Variants in ARL5B observed in about 807,000 individuals in gnomAD.
ARL5B encodes ARF like GTPase 5B, also known as ADP-ribosylation factor-like protein 5B.
Under a neutral mutation model 26.9 loss-of-function variants are expected in ARL5B, and 10 were observed. The ratio of observed to expected loss-of-function variants is 0.37; its 90% confidence interval spans 0.23 to 0.63. The LOEUF (loss-of-function observed/expected upper bound fraction) is 0.63, where lower values mean the gene tolerates loss of function less well. Among genes scored for constraint, ARL5B ranks in the 30% least tolerant of loss-of-function variants. The pLI is 0.62. For missense variants in ARL5B, 167 were observed against 213.9 expected, an observed-to-expected ratio of 0.78 and a Z score of 1.37; for synonymous variants, 87 against 70.4, an observed-to-expected ratio of 1.24 and a Z score of -1.18.
chr10:18,671,606 T>C (rs1312663234), intron 3 of ARL5B, among the ~76,000 whole-genome samples: 1 of 152,082 alleles, frequency 6.6e-6, no homozygotes, highest in African/African-American at 2.4e-5. Flanking sequence ...AGTGTTCAGC[T>C]TAAGGGTGCT....
chr10:18,673,627 T>G (rs549999312), intron 4 of ARL5B, among the ~76,000 whole-genome samples: 86 of 152,226 alleles, frequency 5.6e-4, no homozygotes, highest in Non-Finnish European at 1.1e-3. Flanking sequence ...TAGTAAGTAA[T>G]AAGTATTGCC....
chr10:18,676,275 A>G lies in ARL5B; in HGVS notation c.*1059A>G, dbSNP rs1300130685. On this transcript the variant is annotated 3_prime_UTR_variant, in exon 6 of 6. Coordinates refer to ENST00000377275, the MANE Select transcript of ARL5B (RefSeq NM_178815.5). ...ACATGGCTTTCCTTGAATTTATTTG[A>G]CGGTATTATGTAATAGACTTGAAAC... 3 of 152,426 alleles carry G rather than the reference A, an allele frequency of 2.0e-5. No individual in the cohort carries two copies. Among genetic ancestry groups the G allele is most frequent in the Non-Finnish European group, 4.4e-5 (3 of 67,894 alleles). 9.4% of individuals were successfully genotyped at this position (152,426 alleles called of 1,614,324 possible). A position where few individuals can be genotyped will look rare whatever the true frequency, so the allele number is the denominator to read the frequency against.
At chr10:18,668,770 C>CTTTT (rs34027786) in intron 3 of ARL5B, 93 bp downstream of exon 3, 55 of 904,562 alleles carry the variant, frequency 6.1e-5, no homozygotes, top group Middle Eastern at 3.3e-4. Context: ...TGACAGTTGC[C>CTTTT]TTTTTTTTTT....
chr10:18,671,852 A>C (rs557266223), intron 3 of ARL5B, among the ~76,000 whole-genome samples: 1 of 152,092 alleles, frequency 6.6e-6, no homozygotes, highest in African/African-American at 2.4e-5. Flanking sequence ...GGTTCTCACT[A>C]TGTTGCCCAA....
intron 1 of ARL5B, among the ~76,000 whole-genome samples, chr10:18,661,654 G>GA (rs34909390): frequency 7.2e-5 from 11 of 151,902 alleles, no homozygotes; most frequent in Non-Finnish European, 1.0e-4. Flanking sequence ...AGACAAACAT[G>GA]AAAAAAAATG....
chr10:18,670,689 T>A (rs2059883188), intron 3 of ARL5B, among the ~76,000 whole-genome samples: 1 of 152,208 alleles, frequency 6.6e-6, no homozygotes, highest in Admixed American at 6.5e-5. Flanking sequence ...GTTAGTAGTT[T>A]TAAGCTCACA....
chr10:18,680,272 G>A lies in ARL5B; in HGVS notation c.*5056G>A, dbSNP rs1038510800. The A allele has an allele frequency of 6.6e-6, 1 of 152,010 alleles. No individual in the cohort carries two copies. The highest frequency in any genetic ancestry group is 2.4e-5 in the African/African-American group (1 of 41,432). 9.4% of individuals were successfully genotyped at this position (152,010 alleles called of 1,614,324 possible). ...ATGCAAAATTCATAACTAAGGGATA[G>A]CATTCCTTGGAGACTTTGTTTTGTT... On this transcript the variant is annotated 3_prime_UTR_variant, in exon 6 of 6. Coordinates refer to ENST00000377275, the MANE Select transcript of ARL5B (RefSeq NM_178815.5).
chr10:18,668,115 C>T (rs1045531827), intron 2 of ARL5B, among the ~76,000 whole-genome samples: 1 of 152,102 alleles, frequency 6.6e-6, no homozygotes, highest in Admixed American at 6.6e-5. Flanking sequence ...TCAATTTAGA[C>T]AGTCTTCAAA....
rs943010206 is a variant in ARL5B at position 18,679,615 on chromosome 10, G to T, written c.*4399G>T. 1 of 151,718 alleles carries T rather than the reference G, an allele frequency of 6.6e-6. No individual in the cohort carries two copies. Among genetic ancestry groups the T allele is most frequent in the African/African-American group, 2.4e-5 (1 of 41,352 alleles). The allele number at this position is 151,718 out of a possible 1,614,324, so 9.4% of individuals were successfully genotyped here. A position where few individuals can be genotyped will look rare whatever the true frequency, so the allele number is the denominator to read the frequency against. On this transcript the variant is annotated 3_prime_UTR_variant, in exon 6 of 6. Transcript: ENST00000377275. ...GAGGAAGACCAATATAAAAAAATAT[G>T]TTCAACTATTCCATTTTAAATTTAA...
At chr10:18,671,099 C>T (rs577181813) in intron 3 of ARL5B, among the ~76,000 whole-genome samples, 11 of 152,294 alleles carry the variant, frequency 7.2e-5, no homozygotes, top group African/African-American at 2.6e-4. Context: ...TCCTTTGCCA[C>T]GCGACATTCT....
rs1033895732 is a variant in ARL5B, at chr10:18,659,618, G to C, written c.-20G>C. On this transcript the variant is annotated 5_prime_UTR_variant, in exon 1 of 6. Coordinates refer to ENST00000377275, the MANE Select transcript of ARL5B (RefSeq NM_178815.5). Reference sequence around the variant, plus strand: ...GGCACCTGCTGCCGAGGGACCCCGCGGCCCGCCCCGGTGCTCGTGATGGGG... The same window carrying C: ...GGCACCTGCTGCCGAGGGACCCCGCCGCCCGCCCCGGTGCTCGTGATGGGG... 12 of 1,606,228 alleles carry C rather than the reference G, an allele frequency of 7.5e-6. No homozygotes were observed. Among genetic ancestry groups the C allele is most frequent in the Non-Finnish European group, 1.0e-5 (12 of 1,176,782 alleles).
At chr10:18,669,467 A>G (rs1326727571) in intron 3 of ARL5B, among the ~76,000 whole-genome samples, 1 of 152,182 alleles carries the variant, frequency 6.6e-6, no homozygotes, top group African/African-American at 2.4e-5. Context: ...TCATCTCTCA[A>G]AGTTCTCTGC....
chr10:18,666,966 C>T (rs193020297), intron 2 of ARL5B, among the ~76,000 whole-genome samples: 1 of 152,258 alleles, frequency 6.6e-6, no homozygotes, highest in East Asian at 1.9e-4. Flanking sequence ...AAATTGATAG[C>T]TCTAGGAAGC....
chr10:18,668,828 G>A, intron 3 of ARL5B, 151 bp downstream of exon 3: 1 of 828,424 alleles, frequency 1.2e-6, no homozygotes, highest in Admixed American at 3.2e-5. Context: ...AGAGTGCAGT[G>A]GAGTGATCTT....
rs1312212120 is a variant in ARL5B, at chr10:18,659,668, C to T, written c.31C>T (p.Leu11Phe). The T allele has an allele frequency of 4.3e-6, 7 of 1,613,344 alleles. No individual in the cohort carries two copies. The highest frequency in any genetic ancestry group is 1.1e-5 in the South Asian group (1 of 90,950). ...GCTGATCTTCGCCAAACTGTGGAGC[C>T]TCTTCTGTAACCAAGGTGAGAAGAA... MGLIFAKLWS[L>F]FCNQEHKVII... is the part of the protein sequence containing the mutation. The change falls in exon 1 of 6, where the codon CTC becomes TTC. Residue 11 changes from leucine to phenylalanine, a missense_variant. Leu to Phe is a conservative substitution (Grantham distance 22). Transcript: ENST00000377275.
rs907340120 is a variant in ARL5B at position 18,675,086 on chromosome 10, G to C, written c.492-82G>C. 5.4e-6 allele frequency: 7 copies of C among 1,302,830 alleles called. No homozygotes were observed. In the African/African-American group the frequency reaches 1.0e-4, roughly 19 times the overall value. The allele number at this position is 1,302,830 out of a possible 1,614,324, so 80.7% of individuals were successfully genotyped here. A position where few individuals can be genotyped will look rare whatever the true frequency, so the allele number is the denominator to read the frequency against. Reference sequence around the variant, plus strand: ...ATAATGATTGTGCTACCAGCCTTTGGTTAAGACCTAAAAATAATAAGTACG... The same window carrying C: ...ATAATGATTGTGCTACCAGCCTTTGCTTAAGACCTAAAAATAATAAGTACG... On this transcript the variant is annotated intron_variant, in intron 5 of 5. Coordinates refer to ENST00000377275, the MANE Select transcript of ARL5B (RefSeq NM_178815.5).
At chr10:18,673,338 G>A (rs2059896333) in intron 4 of ARL5B, among the ~76,000 whole-genome samples, 1 of 152,074 alleles carries the variant, frequency 6.6e-6, no homozygotes, top group East Asian at 1.9e-4. Context: ...GGGATTACAG[G>A]TGTGAGCCAC....
intron 3 of ARL5B, 51 bp downstream of exon 3, chr10:18,668,728 A>T: frequency 6.4e-7 from 1 of 1,571,774 alleles, no homozygotes; most frequent in Non-Finnish European, 8.6e-7. Flanking sequence ...TAGAGTAAAC[A>T]TAGAAAGTAA....
At position 18,679,435 on chromosome 10, in the gene ARL5B, A is replaced by C. The variant is rs2059923614; in HGVS notation, c.*4219A>C. ...CAGTCTTTTACAAATGTCTACATAA[A>C]TGTCTACATAAATCTGAAAGTGGTT... On this transcript the variant is annotated 3_prime_UTR_variant, in exon 6 of 6. Transcript: ENST00000377275. 6.6e-6 allele frequency: 1 copy of C among 151,896 alleles called. No homozygotes were observed. The highest frequency in any genetic ancestry group is 1.5e-5 in the Non-Finnish European group (1 of 67,816). 9.4% of individuals were successfully genotyped at this position (151,896 alleles called of 1,614,324 possible).
Sources: allele counts gnomAD v4.1 joint callset (sites outside exome capture counted in the v4.1 genomes callset), GRCh38; gene constraint gnomAD v4.1.1; transcripts MANE v1.5; gene names NCBI Gene and HGNC (gene_info 2026-07-23, HGNC 2026-07-21).